The following CHN2 variants were observed in gnomAD, a reference collection of about 807,000 sequenced individuals.
The protein encoded by CHN2 is chimerin 2, also known as beta-chimaerin.
A neutral mutation model predicts 56.3 loss-of-function variants in CHN2; 35 were observed. The observed-to-expected ratio is 0.62, with a 90% CI of 0.47 to 0.82. The LOEUF is 0.82. CHN2 is among the 40% of genes least tolerant of loss of function. CHN2 has a pLI of 0.00. For synonymous variants in CHN2, 210 were observed against 212.8 expected (o/e 0.99, Z 0.12); for missense variants, 491 against 580.5 (o/e 0.85, Z 1.58).
Position 29,480,279 on chromosome 7 carries a change from A to G in CHN2, c.577A>G (p.Ile193Val), listed in dbSNP as rs773547678. Residue 193 changes from isoleucine (I) to valine (V), a missense_variant and splice_region_variant, in exon 7 of 13, where the codon ATC becomes GTC. Transcript: ENST00000222792. ...TCTCAAACTCTTTGCCTGTTCACAG[A>G]TCTCCTCCCTGGTTCGAAGGGCTGC... The part of the protein sequence containing the change: ...THEEHTAVEK[I>V]SSLVRRAALT... The G allele has an allele frequency of 1.9e-6, 3 of 1,614,188 alleles. No homozygotes were observed. Among genetic ancestry groups the G allele is most frequent in the Admixed American group, 1.7e-5 (1 of 60,028 alleles).
intron 1 of CHN2, among the ~76,000 whole-genome samples, chr7:29,223,405 C>G (rs1341751949): frequency 6.6e-6 from 1 of 152,124 alleles, no homozygotes; most frequent in African/African-American, 2.4e-5. Flanking sequence ...CTCAGGTCTT[C>G]CAATGAAACA....
In CHN2 at chr7:29,456,833, T is replaced by C. The variant is rs189465708; in HGVS notation, c.577-23446T>C. On this transcript the variant is annotated intron_variant, in intron 6 of 12. Coordinates refer to ENST00000222792, the MANE Select transcript of CHN2 (RefSeq NM_004067.4). ...GCGTGCAGACTCAGGCCCTGGTGGC[T>C]GCCTCCTGGGCTGGGGAGGGCACGC... 3.1e-3 allele frequency among the ~76,000 whole-genome samples: 474 copies of C among 152,080 alleles called. 3 individuals are homozygous for C. The highest frequency in any genetic ancestry group is 0.011 in the South Asian group (55 of 4,810).
At position 29,409,808 on chromosome 7, in the gene CHN2, A is replaced by G. The variant is rs143387846; in HGVS notation, c.576+8980A>G. 1.8e-4 allele frequency among the ~76,000 whole-genome samples: 28 copies of G among 152,350 alleles called. No individual in the cohort carries two copies. In the East Asian group the frequency reaches 4.4e-3, roughly 24 times the overall value. On this transcript the variant is annotated intron_variant, in intron 6 of 12. Coordinates refer to ENST00000222792, the MANE Select transcript of CHN2 (RefSeq NM_004067.4). ...GGATCCCCAAACATTGGTGGGCCAC[A>G]GTTTGATGAAGAGCCCAGCTTTTCA...
At chr7:29,207,250 A>G (rs189462525) in intron 1 of CHN2, among the ~76,000 whole-genome samples, 91 of 152,352 alleles carry the variant, frequency 6.0e-4, no homozygotes, top group Non-Finnish European at 9.4e-4. Context: ...GATGCTTGCA[A>G]TCAGATGGGA....
intron 3 of CHN2, among the ~76,000 whole-genome samples, chr7:29,385,367 A>G (rs915094541): frequency 1.3e-5 from 2 of 152,166 alleles, no homozygotes; most frequent in Admixed American, 6.5e-5. Flanking sequence ...CCTTGGCACT[A>G]TTGACCTTTT....
In CHN2 at chr7:29,428,518, C is replaced by T. The variant is rs138026851; in HGVS notation, c.576+27690C>T. ...GACCATTTCAAATTCAGACCATTTC[C>T]ACAAGGCCCTCCTTTTCCAACTGTG... On this transcript the variant is annotated intron_variant, in intron 6 of 12. Coordinates refer to ENST00000222792, the MANE Select transcript of CHN2 (RefSeq NM_004067.4). Among the ~76,000 whole-genome samples the T allele has an allele frequency of 1.1e-3, 172 of 152,244 alleles. 1 individual carries two copies. The highest frequency in any genetic ancestry group is 3.9e-3 in the African/African-American group (163 of 41,546).
At chr7:29,278,659 C>T (rs1430690471) in intron 1 of CHN2, among the ~76,000 whole-genome samples, 2 of 152,196 alleles carry the variant, frequency 1.3e-5, no homozygotes, top group African/African-American at 2.4e-5. Flanking sequence ...GCTGCAGGCT[C>T]CACAGGGTTG....
intron 1 of CHN2, among the ~76,000 whole-genome samples, chr7:29,337,924 C>G (rs1049408451): frequency 6.6e-6 from 1 of 151,780 alleles, no homozygotes; most frequent in Non-Finnish European, 1.5e-5. Flanking sequence ...GATAAGAAAC[C>G]ACAGAACACC....
chr7:29,375,485 C>T (rs1178352734), intron 3 of CHN2, among the ~76,000 whole-genome samples: 5 of 152,160 alleles, frequency 3.3e-5, no homozygotes, highest in Middle Eastern at 3.2e-3. Flanking sequence ...CGTGAGCCAC[C>T]GCACCTGGCT....
At chr7:29,245,863 G>T (rs1324407863) in intron 1 of CHN2, among the ~76,000 whole-genome samples, 1 of 152,184 alleles carries the variant, frequency 6.6e-6, no homozygotes. Flanking sequence ...TTGTGGAATT[G>T]CTTCCCATGC....
In CHN2 at chr7:29,362,540, G is replaced by T. The variant is rs113377697; in HGVS notation, c.89-5392G>T. Among the ~76,000 whole-genome samples the T allele has an allele frequency of 9.7e-3, 1,475 of 152,168 alleles. 20 individuals are homozygous for T. The highest frequency in any genetic ancestry group is 0.033 in the African/African-American group (1,379 of 41,502). ...TTGTTACAGACAGGAGGACAGTCAC[G>T]GTCCCCAGCATGTCATTCAAGGTCC... On this transcript the variant is annotated intron_variant, in intron 2 of 12. Transcript: ENST00000222792.
intron 1 of CHN2, chr7:29,335,682 C>T (rs561498655): frequency 5.3e-5 from 8 of 152,356 alleles, no homozygotes; most frequent in African/African-American, 1.9e-4. Context: ...ACAATAAACT[C>T]GATTGTTCTT....
rs114675236 is a variant in CHN2 at position 29,199,160 on chromosome 7, T to C, written c.49+4170T>C. Among the ~76,000 whole-genome samples the C allele has an allele frequency of 4.3e-3, 653 of 152,288 alleles. 3 individuals carry two copies. Among genetic ancestry groups the C allele is most frequent in the African/African-American group, 0.015 (625 of 41,556 alleles). On this transcript the variant is annotated intron_variant, in intron 1 of 12. Transcript: ENST00000222792. Reference sequence around the variant, plus strand: ...TATCACACTGATGTTGATGTAGAAATGATAAATAGGAATTTTCATTACTCA... The same window carrying C: ...TATCACACTGATGTTGATGTAGAAACGATAAATAGGAATTTTCATTACTCA...
chr7:29,452,379 G>T (rs1346916191), intron 6 of CHN2, among the ~76,000 whole-genome samples: 1 of 152,202 alleles, frequency 6.6e-6, no homozygotes, highest in Non-Finnish European at 1.5e-5. Context: ...TTGGGGGTGT[G>T]TGAAGGCAGA....
At chr7:29,451,313 G>A (rs1036415641) in intron 6 of CHN2, among the ~76,000 whole-genome samples, 20 of 152,244 alleles carry the variant, frequency 1.3e-4, no homozygotes, top group East Asian at 5.8e-4. Context: ...GTAAAGTTCC[G>A]TGTGAATTGT....
intron 6 of CHN2, among the ~76,000 whole-genome samples, chr7:29,467,420 G>C (rs1785633262): frequency 6.6e-6 from 1 of 152,150 alleles, no homozygotes. Flanking sequence ...GATCAGATCT[G>C]TTGTTGCATA....
intron 6 of CHN2, among the ~76,000 whole-genome samples, chr7:29,408,219 T>A (rs1339410848): frequency 1.3e-5 from 2 of 151,058 alleles, no homozygotes; most frequent in African/African-American, 4.9e-5. Context: ...AATTAAAAAA[T>A]ATATATTAAA....
chr7:29,254,541 C>T (rs137880989), intron 1 of CHN2, among the ~76,000 whole-genome samples: 144 of 152,244 alleles, frequency 9.5e-4, no homozygotes, highest in Middle Eastern at 3.4e-3. Flanking sequence ...ACAACAGAAG[C>T]CGCTCTAAGG....
intron 6 of CHN2, among the ~76,000 whole-genome samples, chr7:29,455,136 C>A (rs1161545934): frequency 1.3e-5 from 2 of 152,078 alleles, no homozygotes; most frequent in Non-Finnish European, 2.9e-5. Flanking sequence ...TGTAATGTTA[C>A]TGAGTTAGCT....
Sources: gnomAD v4.1 joint callset for allele counts (sites outside exome capture counted in the v4.1 genomes callset) on GRCh38, gnomAD v4.1.1 for gene constraint, MANE v1.5 for transcripts, NCBI Gene and HGNC (gene_info 2026-07-23, HGNC 2026-07-21) for gene names.